INTU: variants seen among roughly 807,000 people sequenced by gnomAD.
INTU encodes protein inturned.
Under a neutral mutation model 100.5 loss-of-function variants are expected in INTU, and 68 were observed. The ratio of observed to expected loss-of-function variants is 0.68; its 90% CI spans 0.56 to 0.83. The LOEUF (loss-of-function observed/expected upper bound fraction) is 0.83. INTU is among the 40% of genes least tolerant of loss of function. The pLI is 0.00. For missense variants in INTU, 1,071 were observed against 1,114.7 expected, an observed-to-expected ratio of 0.96 and a Z score of 0.56; for synonymous variants, 357 against 395.7, an observed-to-expected ratio of 0.90 and a Z score of 1.16.
chr4:127,689,129 C>T (rs996190633), intron 8 of INTU, among the ~76,000 whole-genome samples: 1 of 151,478 alleles, frequency 6.6e-6, no homozygotes, highest in Non-Finnish European at 1.5e-5. Context: ...ACTACACATG[C>T]ACACCACCAT....
intron 6 of INTU, among the ~76,000 whole-genome samples, chr4:127,674,566 G>C (rs776082653): frequency 6.6e-6 from 1 of 152,188 alleles, no homozygotes; most frequent in Non-Finnish European, 1.5e-5. Flanking sequence ...AGGTTTTGGA[G>C]AATTAAGGGT....
chr4:127,679,931 G>A (rs966374217), intron 6 of INTU, among the ~76,000 whole-genome samples: 27 of 152,200 alleles, frequency 1.8e-4, no homozygotes, highest in South Asian at 1.5e-3. Flanking sequence ...TATCACCACC[G>A]ATCCCACAGA....
intron 6 of INTU, among the ~76,000 whole-genome samples, chr4:127,682,700 C>A (rs1729634421): frequency 6.6e-6 from 1 of 151,014 alleles, no homozygotes. Context: ...ACATATGTAA[C>A]TAACCTGCAC....
Position 127,633,107 on chromosome 4 carries a change from G to T in INTU, c.73G>T (p.Glu25Ter). The T allele has an allele frequency of 6.2e-7, 1 of 1,614,124 alleles. No individual in the cohort carries two copies. The highest frequency in any genetic ancestry group is 8.5e-7 in the Non-Finnish European group (1 of 1,179,962). ...ELPGDPSSQE[E>*]DEDYDFEDRV... ...CCCTGGAGACCCCTCTTCACAAGAAGAAGATGAGGACTATGATTTTGAAGA... is the reference window on the plus strand; with the variant it reads ...CCCTGGAGACCCCTCTTCACAAGAATAAGATGAGGACTATGATTTTGAAGA... Residue 25 changes from glutamate (E) to a stop codon, truncating the protein, a stop_gained, in exon 1 of 16, where the codon GAA (glutamate) becomes TAA (stop). Transcript: ENST00000335251. LOFTEE classifies it high-confidence loss of function.
At chr4:127,707,506 G>A (rs753738775) in intron 12 of INTU, among the ~76,000 whole-genome samples, 6 of 150,710 alleles carry the variant, frequency 4.0e-5, no homozygotes, top group African/African-American at 7.3e-5. Context: ...CTCAATTTCC[G>A]TGTTCATCTC....
At chr4:127,654,158 G>A (rs1003697462) in intron 2 of INTU, among the ~76,000 whole-genome samples, 4 of 150,974 alleles carry the variant, frequency 2.6e-5, no homozygotes, top group African/African-American at 9.8e-5. Context: ...CACACTGATG[G>A]GTCTTGACTC....
chr4:127,699,051 C>G (rs949266756), intron 8 of INTU, among the ~76,000 whole-genome samples: 2 of 152,034 alleles, frequency 1.3e-5, no homozygotes, highest in Admixed American at 6.6e-5. Flanking sequence ...TGAAACAGTC[C>G]TGCAGAGAGT....
chr4:127,685,897 A>G (rs923234184), intron 7 of INTU: 4 of 152,562 alleles, frequency 2.6e-5, no homozygotes, highest in African/African-American at 9.6e-5. Flanking sequence ...TAGTGGAAGT[A>G]TCTTTTTGAT....
chr4:127,681,224 A>C (rs970825497), intron 6 of INTU, among the ~76,000 whole-genome samples: 22 of 152,318 alleles, frequency 1.4e-4, no homozygotes, highest in African/African-American at 5.1e-4. Flanking sequence ...GCTACCAATG[A>C]CTTTCTTCAC....
chr4:127,640,028 C>A (rs1727241229), intron 1 of INTU, among the ~76,000 whole-genome samples: 1 of 152,102 alleles, frequency 6.6e-6, no homozygotes, highest in Non-Finnish European at 1.5e-5. Flanking sequence ...TCACTATCAC[C>A]TACCCTGAAA....
chr4:127,693,295 C>T (rs1260401655), intron 8 of INTU, among the ~76,000 whole-genome samples: 1 of 151,956 alleles, frequency 6.6e-6, no homozygotes, highest in Admixed American at 6.6e-5. Context: ...GGTCTTTCAC[C>T]TCCTTGCTTC....
chr4:127,707,919 C>A (rs1730955146), intron 12 of INTU, among the ~76,000 whole-genome samples: 1 of 152,024 alleles, frequency 6.6e-6, no homozygotes, highest in African/African-American at 2.4e-5. Context: ...GAGGTGACAC[C>A]AGATGAGGAG....
Position 127,709,711 on chromosome 4 carries a change from T to TCACACACACACACACACA in INTU, c.2369+1060_2369+1077dup, listed in dbSNP as rs3066389. On this transcript the variant is annotated intron_variant, in intron 13 of 15. Transcript: ENST00000335251. The stretch of plus-strand genomic sequence containing the variant: ...ACAACTAGACACGTACTAATAGAAT[T>TCACACACACACACACACA]CACACACACACACACACACACACAC... Among the ~76,000 whole-genome samples, 786 of 143,360 alleles carry TCACACACACACACACACA rather than the reference T, an allele frequency of 5.5e-3. 6 individuals carry two copies. The highest frequency in any genetic ancestry group is 0.017 in the African/African-American group (656 of 38,222). 94.0% of individuals were successfully genotyped at this position (143,360 alleles called of 152,430 possible). A position where few individuals can be genotyped will look rare whatever the true frequency, so the allele number is the denominator to read the frequency against.
chr4:127,703,467 T>C lies in INTU; in HGVS notation c.1504-761T>C, dbSNP rs114190624. 6.8e-3 allele frequency among the ~76,000 whole-genome samples: 1,041 copies of C among 152,288 alleles called. 12 individuals are homozygous for C. Among genetic ancestry groups the C allele is most frequent in the African/African-American group, 0.024 (996 of 41,564 alleles). On this transcript the variant is annotated intron_variant, in intron 9 of 15. Coordinates refer to ENST00000335251, the MANE Select transcript of INTU (RefSeq NM_015693.4). ...CCAGACCTTTTTCCATATACATACATTCCCACACACAAACCAACACACATG... is the reference window on the plus strand; with the variant it reads ...CCAGACCTTTTTCCATATACATACACTCCCACACACAAACCAACACACATG...
rs1325799068 is a variant in INTU at position 127,713,975 on chromosome 4, G to A, written c.2599G>A (p.Ala867Thr). The A allele has an allele frequency of 3.1e-6, 5 of 1,612,228 alleles. No individual in the cohort carries two copies. The East Asian group carries it at 1.1e-4, about 36-fold the overall frequency. The change falls in exon 15 of 16, where the codon GCA becomes ACA. Residue 867 changes from alanine to threonine, a missense_variant. Coordinates refer to ENST00000335251, the MANE Select transcript of INTU (RefSeq NM_015693.4). ...AAATAGTGGAGACCATTCAGATTCTGCAAAGTCAGTGTCTTCTCTTAACCC... is the reference window on the plus strand; with the variant it reads ...AAATAGTGGAGACCATTCAGATTCTACAAAGTCAGTGTCTTCTCTTAACCC... ...GLNSGDHSDS[A>T]KSVSSLNPVK... is the part of the protein sequence containing the mutation.
chr4:127,705,088 A>G (rs79596561), intron 10 of INTU, among the ~76,000 whole-genome samples: 1 of 143,384 alleles, frequency 7.0e-6, no homozygotes, highest in Non-Finnish European at 1.5e-5. Flanking sequence ...ACTCTGTCTC[A>G]AAAAAAAAAA....
chr4:127,699,992 T>C lies in INTU; in HGVS notation c.1450-18T>C, dbSNP rs771100299. 4 of 1,519,236 alleles carry C rather than the reference T, an allele frequency of 2.6e-6. No homozygotes were observed. In the African/African-American group the frequency reaches 5.6e-5, roughly 21 times the overall value. The allele number at this position is 1,519,236 out of a possible 1,614,324, so 94.1% of individuals were successfully genotyped here. ...TGAGTCAAATGTTTATGTTACTCTTTTTTTTTTTTTAACATAGATGGAATT... is the reference window on the plus strand; with the variant it reads ...TGAGTCAAATGTTTATGTTACTCTTCTTTTTTTTTTAACATAGATGGAATT... On this transcript the variant is annotated intron_variant, in intron 8 of 15. Coordinates refer to ENST00000335251, the MANE Select transcript of INTU (RefSeq NM_015693.4).
intron 4 of INTU, among the ~76,000 whole-genome samples, chr4:127,665,951 T>C (rs1382398138): frequency 1.3e-5 from 2 of 152,098 alleles, no homozygotes; most frequent in East Asian, 3.9e-4. Flanking sequence ...GATAGTTATT[T>C]TCTCTAATCT....
chr4:127,681,229 C>G (rs1254449395), intron 6 of INTU, among the ~76,000 whole-genome samples: 2 of 152,202 alleles, frequency 1.3e-5, no homozygotes, highest in Non-Finnish European at 2.9e-5. Flanking sequence ...CAATGACTTT[C>G]TTCACAGAAT....
Sources: allele counts gnomAD v4.1 joint callset (sites outside exome capture counted in the v4.1 genomes callset), GRCh38; gene constraint gnomAD v4.1.1; transcripts MANE v1.5; gene names NCBI Gene and HGNC (gene_info 2026-07-23, HGNC 2026-07-21).